Variants in ADAM18 observed in about 807,000 individuals in gnomAD.
ADAM18 encodes the protein ADAM metallopeptidase domain 18.
Under a neutral mutation model 94.4 loss-of-function variants are expected in ADAM18, and 117 were observed. The ratio of observed to expected loss-of-function variants is 1.24; its 90% confidence interval spans 1.07 to 1.45. ADAM18 has a LOEUF of 1.45. Ranked by LOEUF, ADAM18 falls within the 40% of genes most tolerant of loss-of-function variation. ADAM18 has a pLI of 0.00. For synonymous variants in ADAM18, 327 were observed against 291.6 expected (o/e 1.12, Z -1.24); for missense variants, 936 against 880.0 (o/e 1.06, Z -0.81).
intron 6 of ADAM18, among the ~76,000 whole-genome samples, chr8:39,625,571 A>G (rs1344955374): frequency 2.0e-5 from 3 of 151,996 alleles, no homozygotes; most frequent in Non-Finnish European, 2.9e-5. Context: ...TTCCAGCACT[A>G]TGTTGAATAG....
chr8:39,640,437 A>G (rs1184391827), intron 10 of ADAM18, among the ~76,000 whole-genome samples: 2 of 152,056 alleles, frequency 1.3e-5, no homozygotes. Flanking sequence ...CTTGGTGGCC[A>G]TTTGGGTTGA....
chr8:39,711,234 G>A (rs1238944510), intron 18 of ADAM18, among the ~76,000 whole-genome samples: 1 of 152,128 alleles, frequency 6.6e-6, no homozygotes, highest in African/African-American at 2.4e-5. Context: ...CTAAACAAAT[G>A]AACTAATTAA....
At chr8:39,635,126 C>G (rs981308258) in intron 7 of ADAM18, among the ~76,000 whole-genome samples, 3 of 152,236 alleles carry the variant, frequency 2.0e-5, no homozygotes, top group African/African-American at 7.2e-5. Context: ...GCAAGAAGGC[C>G]CTCACCAGAC....
intron 2 of ADAM18, among the ~76,000 whole-genome samples, chr8:39,589,651 T>C (rs1818513378): frequency 1.3e-5 from 2 of 151,566 alleles, no homozygotes; most frequent in Admixed American, 1.3e-4. Context: ...CATGGGTGTA[T>C]GTATGTATAT....
chr8:39,693,710 G>T (rs1374108544), intron 17 of ADAM18, among the ~76,000 whole-genome samples: 1 of 150,512 alleles, frequency 6.6e-6, no homozygotes, highest in African/African-American at 2.4e-5. Context: ...CTTTTACTAT[G>T]AAATATTACA....
chr8:39,634,078 A>G (rs896008951), intron 7 of ADAM18, among the ~76,000 whole-genome samples: 1 of 152,168 alleles, frequency 6.6e-6, no homozygotes, highest in Non-Finnish European at 1.5e-5. Context: ...GAATGCTTAT[A>G]GGACCTTGAG....
intron 17 of ADAM18, among the ~76,000 whole-genome samples, chr8:39,700,427 A>G (rs2129581109): frequency 6.6e-6 from 1 of 152,280 alleles, no homozygotes; most frequent in South Asian, 2.1e-4. Flanking sequence ...TGATATGAGA[A>G]TATTCACAAA....
chr8:39,710,611 G>A (rs901939030), intron 18 of ADAM18, among the ~76,000 whole-genome samples: 9 of 152,246 alleles, frequency 5.9e-5, no homozygotes, highest in Admixed American at 1.3e-4. Flanking sequence ...ACCCAACTTC[G>A]TCAACATGGT....
In ADAM18 at chr8:39,668,014, C is replaced by G. The variant is rs1821038070; in HGVS notation, c.1343C>G (p.Thr448Ser). 2 of 1,613,936 alleles carry G rather than the reference C, an allele frequency of 1.2e-6. No homozygotes were observed. The highest frequency in any genetic ancestry group is 8.5e-7 in the Non-Finnish European group (1 of 1,179,896). ...TCCTCCCAGTTGTCAATAGCAGGCACTCCATGTAGAAAGAGTATTGATCCA... is the reference window on the plus strand; with the variant it reads ...TCCTCCCAGTTGTCAATAGCAGGCAGTCCATGTAGAAAGAGTATTGATCCA... The part of the protein sequence containing the change: ...TSKCELSIAG[T>S]PCRKSIDPEC... Residue 448 changes from threonine (T) to serine (S), a missense_variant, in exon 14 of 20, where the codon ACT (threonine) becomes AGT (serine). Physicochemically the swap from Thr to Ser is moderately conservative, Grantham distance 58 (BLOSUM62 1). Coordinates refer to ENST00000265707, the MANE Select transcript of ADAM18 (RefSeq NM_014237.3).
intron 19 of ADAM18, among the ~76,000 whole-genome samples, chr8:39,727,970 G>T (rs551857058): frequency 6.6e-6 from 1 of 152,306 alleles, no homozygotes; most frequent in African/African-American, 2.4e-5. Flanking sequence ...CATGGTGCTG[G>T]CTTCTGCTCA....
At chr8:39,631,286 A>C (rs899338049) in intron 7 of ADAM18, among the ~76,000 whole-genome samples, 1 of 151,756 alleles carries the variant, frequency 6.6e-6, no homozygotes, top group African/African-American at 2.4e-5. Flanking sequence ...CAAGGACATA[A>C]TTTTACTTTC....
chr8:39,631,710 T>C (rs563049489), intron 7 of ADAM18, among the ~76,000 whole-genome samples: 1 of 152,186 alleles, frequency 6.6e-6, no homozygotes, highest in South Asian at 2.1e-4. Flanking sequence ...CCAAAAATAC[T>C]GTAATTTTGA....
intron 16 of ADAM18, chr8:39,685,021 A>G (rs1353121345): frequency 6.6e-6 from 1 of 152,204 alleles, no homozygotes; most frequent in Admixed American, 6.5e-5. Context: ...GTTAGCCCTT[A>G]AAAGGGACAG....
intron 15 of ADAM18, among the ~76,000 whole-genome samples, chr8:39,678,710 A>G (rs1030979584): frequency 6.6e-6 from 1 of 152,194 alleles, no homozygotes; most frequent in Non-Finnish European, 1.5e-5. Context: ...TTCATGAAAA[A>G]AAGATAAAAG....
chr8:39,702,754 T>C (rs1030549184), intron 17 of ADAM18, among the ~76,000 whole-genome samples: 1 of 152,162 alleles, frequency 6.6e-6, no homozygotes, highest in African/African-American at 2.4e-5. Flanking sequence ...CACTCCCCAT[T>C]GTTTGTTTCT....
chr8:39,586,484 C>T lies in ADAM18; in HGVS notation c.132+1132C>T, dbSNP rs925804493. 3.9e-5 allele frequency among the ~76,000 whole-genome samples: 6 copies of T among 152,198 alleles called. No individual in the cohort carries two copies. In the East Asian group the frequency reaches 9.6e-4, roughly 24 times the overall value. Reference sequence around the variant, plus strand: ...TTCTGCCAACACAATCCCATCCCAACACTTTGGGATCCCAAGGTTGGAGGA... The same window carrying T: ...TTCTGCCAACACAATCCCATCCCAATACTTTGGGATCCCAAGGTTGGAGGA... On this transcript the variant is annotated intron_variant, in intron 2 of 19. Coordinates refer to ENST00000265707, the MANE Select transcript of ADAM18 (RefSeq NM_014237.3).
chr8:39,706,765 C>T (rs1460260578), intron 17 of ADAM18, 25 bp from the exon 18 acceptor site: 1 of 1,351,820 alleles, frequency 7.4e-7, no homozygotes, highest in African/African-American at 1.4e-5. Flanking sequence ...ACGACTCAAA[C>T]TGTTTCTGTA....
intron 17 of ADAM18, among the ~76,000 whole-genome samples, chr8:39,700,459 G>GA (rs139194685): frequency 0.028 from 4,315 of 152,032 alleles, 213 homozygotes; most frequent in African/African-American, 0.096. Context: ...ACTGAAATTT[G>GA]AAAAAATGTA....
At chr8:39,603,765 G>A (rs1207462341) in intron 2 of ADAM18, among the ~76,000 whole-genome samples, 1 of 152,094 alleles carries the variant, frequency 6.6e-6, no homozygotes, top group Non-Finnish European at 1.5e-5. Context: ...TGAAGTAGTA[G>A]TTTTTAACTA....
Sources: gnomAD v4.1 joint callset for allele counts (sites outside exome capture counted in the v4.1 genomes callset) on GRCh38, gnomAD v4.1.1 for gene constraint, MANE v1.5 for transcripts, NCBI Gene and HGNC (gene_info 2026-07-23, HGNC 2026-07-21) for gene names.